DCTN1: variants seen among roughly 807,000 people sequenced by gnomAD.
DCTN1 encodes the protein 150 kDa dynein-associated polypeptide.
DCTN1 carries 61 observed loss-of-function variants against 161.2 expected under a neutral mutation model. The ratio of observed to expected loss-of-function variants is 0.38; its 90% CI spans 0.31 to 0.47. The LOEUF is 0.47. Among genes scored for constraint, DCTN1 ranks in the 20% least tolerant of loss-of-function variants. DCTN1 has a pLI of 0.99. For synonymous variants in DCTN1, 653 were observed against 632.4 expected (o/e 1.03, Z -0.49); for missense variants, 1,404 against 1,623.7 (o/e 0.86, Z 2.33).
intron 30 of DCTN1, 48 bp downstream of exon 30, chr2:74,362,602 C>T (rs762720966): frequency 1.3e-6 from 2 of 1,591,438 alleles, no homozygotes; most frequent in East Asian, 2.3e-5. Context: ...TGCCTGGCTC[C>T]ACCAGTTTAT....
Position 74,370,795 on chromosome 2 carries a change from G to A in DCTN1, c.874C>T (p.Arg292Cys), listed in dbSNP as rs1200414397. 20 of 1,614,202 alleles carry A rather than the reference G, an allele frequency of 1.2e-5. No individual in the cohort carries two copies. Among genetic ancestry groups the A allele is most frequent in the Admixed American group, 1.7e-5 (1 of 60,018 alleles). ...EAKEALEAKERYMEEMADTAD... is the reference protein window; with the variant it reads ...EAKEALEAKECYMEEMADTAD... ...GTATCAGCCATCTCCTCCATATAGC[G>A]TTCCTTTGCCTCCAGCGCCTCCTTG... Residue 292 changes from arginine to cysteine, a missense_variant, in exon 10 of 32, where the codon CGC (arginine) becomes TGC (cysteine). By Grantham distance (180) the Arg-to-Cys change is radical (BLOSUM62 -3). Transcript: ENST00000628224. The surrounding 1 kb of genome is among the most constrained non-coding windows in gnomAD (Gnocchi z 4.4).
At chr2:74,364,633 T>C (rs3755444) in intron 26 of DCTN1, 21,166 of 282,518 alleles carry the variant, frequency 0.075, 1,993 homozygotes, top group East Asian at 0.36. Context: ...TATGACCACA[T>C]CATAAAATGA....
chr2:74,380,027 C>T lies in DCTN1; in HGVS notation c.11G>A (p.Ser4Asn), dbSNP rs768396031. 1.9e-6 allele frequency: 3 copies of T among 1,614,194 alleles called. No individual in the cohort carries two copies. Among genetic ancestry groups the T allele is most frequent in the Non-Finnish European group, 8.5e-7 (1 of 1,180,026 alleles). The change falls in exon 1 of 32, where the codon AGC becomes AAC. Residue 4 changes from serine (S) to asparagine (N), a missense_variant. By Grantham distance (46) the Ser-to-Asn change is conservative. Around this residue, in one of 9 missense-constraint regions of DCTN1, gnomAD observed 53 missense variants for 54.4 expected, o/e 0.97. Transcript: ENST00000628224. ...TACCCGGCTGTACACGTGCCTCTTGCTCTGTGCCATGTTGCTCACCCGGCC... is the reference window on the plus strand; with the variant it reads ...TACCCGGCTGTACACGTGCCTCTTGTTCTGTGCCATGTTGCTCACCCGGCC... MAQ[S>N]KRHVYSRTPS...
intron 16 of DCTN1, 180 bp downstream of exon 16, chr2:74,368,548 A>C (rs1004380826): frequency 1.9e-5 from 16 of 826,666 alleles, no homozygotes; most frequent in South Asian, 4.9e-5. Context: ...CACAGAACCT[A>C]TCTCTCCTTG....
intron 1 of DCTN1, chr2:74,385,480 A>G (rs764222006): frequency 3.9e-5 from 6 of 152,284 alleles, no homozygotes; most frequent in Non-Finnish European, 7.3e-5. Flanking sequence ...CTGCGCTCTA[A>G]AGAGAGAGAT....
upstream of DCTN1, among the ~76,000 whole-genome samples, chr2:74,383,163 T>C (rs959923676): frequency 1.7e-4 from 26 of 152,212 alleles, no homozygotes; most frequent in Admixed American, 9.8e-4. Context: ...GTGAACACAG[T>C]ATGAACAGAG....
At chr2:74,372,439 G>C (rs1383655794) in intron 7 of DCTN1, among the ~76,000 whole-genome samples, 2 of 152,234 alleles carry the variant, frequency 1.3e-5, no homozygotes, top group Non-Finnish European at 2.9e-5. Context: ...CTGACCTGAA[G>C]TTCAAGCCCT....
rs762146412 is a variant in DCTN1 at position 74,368,130 on chromosome 2, G to A, written c.1856C>T (p.Ala619Val). 7 of 1,582,396 alleles carry A rather than the reference G, an allele frequency of 4.4e-6. No homozygotes were observed. The highest frequency in any genetic ancestry group is 6.0e-6 in the Non-Finnish European group (7 of 1,163,452). The change falls in exon 17 of 32, where the codon GCA (alanine) becomes GTA (valine). Residue 619 changes from alanine to valine, a missense_variant and splice_region_variant. Around this residue, in one of 9 missense-constraint regions of DCTN1, gnomAD observed 475 missense variants for 489.8 expected, o/e 0.97. Transcript: ENST00000628224. ...CTGGGCCTGCTTCCGGATCAGCTCT[G>A]CCTGTGGGAAAAAGCACCAGGAACC... ...LLLMPRLICK[A>V]ELIRKQAQEK...
rs555881477 is a variant in DCTN1, at chr2:74,367,502, T to A, written c.2185-82A>T. ...TCCCAAACTGTAGTTTGAGCCCTGG[T>A]CATCATGGGTCTCTGGAGGTACAAG... On this transcript the variant is annotated intron_variant, in intron 18 of 31. Coordinates refer to ENST00000628224, the MANE Select transcript of DCTN1 (RefSeq NM_004082.5). 21 of 1,533,072 alleles carry A rather than the reference T, an allele frequency of 1.4e-5. No individual in the cohort carries two copies. The African/African-American group carries it at 2.7e-4, about 20-fold the overall frequency. The allele number at this position is 1,533,072 out of a possible 1,614,324, so 95.0% of individuals were successfully genotyped here.
Position 74,380,057 on chromosome 2 carries a change from C to A in DCTN1, c.-20G>T, listed in dbSNP as rs1418599843. Reference sequence around the variant, plus strand: ...TGCCATGTTGCTCACCCGGCCTCTACCCCCTCCCCCAGCTGGCCAAAGACA... The same window carrying A: ...TGCCATGTTGCTCACCCGGCCTCTAACCCCTCCCCCAGCTGGCCAAAGACA... On this transcript the variant is annotated 5_prime_UTR_variant, in exon 1 of 32. Transcript: ENST00000628224. 1.2e-6 allele frequency: 2 copies of A among 1,613,882 alleles called. No homozygotes were observed. Among genetic ancestry groups the A allele is most frequent in the Admixed American group, 1.7e-5 (1 of 60,022 alleles).
At chr2:74,387,264 C>T (rs1194316676) in intron 1 of DCTN1, among the ~76,000 whole-genome samples, 1 of 152,196 alleles carries the variant, frequency 6.6e-6, no homozygotes, top group Non-Finnish European at 1.5e-5. Context: ...GGGCAACATT[C>T]TCTCCTACCC....
In DCTN1 at chr2:74,369,395, G is replaced by A. The variant is rs1327106238; in HGVS notation, c.1489C>T (p.Arg497Cys). ...EQLDMAGARV[R>C]EAQKRVEAAQ... ...GCCTCCACACGCTTCTGGGCCTCAC[G>A]AACCCGCGCGCCTGCCATGTCCAGC... Residue 497 changes from arginine to cysteine, a missense_variant, in exon 14 of 32, where the codon CGT (arginine) becomes TGT (cysteine). Transcript: ENST00000628224. This position sits in a 1 kb window ranked among gnomAD's most constrained non-coding sequence, Gnocchi z 4.9. 19 of 1,614,030 alleles carry A rather than the reference G, an allele frequency of 1.2e-5. No individual in the cohort carries two copies. Among genetic ancestry groups the A allele is most frequent in the Non-Finnish European group, 1.4e-5 (16 of 1,180,032 alleles).
upstream of DCTN1, among the ~76,000 whole-genome samples, chr2:74,380,875 G>A (rs368542573): frequency 2.6e-5 from 4 of 152,280 alleles, no homozygotes; most frequent in South Asian, 6.2e-4. Flanking sequence ...TTGTTATAAG[G>A]GGCCAGGTTG....
chr2:74,363,044 T>C lies in DCTN1; in HGVS notation c.3479A>G (p.Asn1160Ser), dbSNP rs778864459. Residue 1160 changes from asparagine (N) to serine (S), a missense_variant, in exon 29 of 32, where the codon AAT becomes AGT. This residue lies in a region of DCTN1 where 311 missense variants were observed against 298.9 expected (regional missense o/e 1.04). Coordinates refer to ENST00000628224, the MANE Select transcript of DCTN1 (RefSeq NM_004082.5). ...TACGTGCGTGTGTGTGCTCAATTGA[T>C]TCAATGTCTCCAGCAGCTGGCTGGT... The part of the protein sequence containing the change: ...RKTSQLLETL[N>S]QLSTHTHVVD... 2 of 1,613,852 alleles carry C rather than the reference T, an allele frequency of 1.2e-6. No homozygotes were observed. Among genetic ancestry groups the C allele is most frequent in the Non-Finnish European group, 1.7e-6 (2 of 1,179,896 alleles).
chr2:74,377,553 A>C, intron 3 of DCTN1, 87 bp from the exon 4 acceptor site: 1 of 1,529,552 alleles, frequency 6.5e-7, no homozygotes, highest in Admixed American at 1.7e-5. Flanking sequence ...TGACGGAAAA[A>C]AATCTTAGGA....
chr2:74,370,670 G>C lies in DCTN1; in HGVS notation c.999C>G (p.Asp333Glu), dbSNP rs200952455. 2.0e-4 allele frequency: 317 copies of C among 1,614,036 alleles called. 1 individual carries two copies. The highest frequency in any genetic ancestry group is 1.6e-4 in the Middle Eastern group (1 of 6,084). ...QEVEALKERVDELTTDLEILK... is the reference protein window; with the variant it reads ...QEVEALKERVEELTTDLEILK... ...GGATCTCTAAGTCAGTAGTGAGCTC[G>C]TCCACCCGCTCCTTCAGTGCCTCCA... Residue 333 changes from aspartate (D) to glutamate (E), a missense_variant, in exon 10 of 32, where the codon GAC becomes GAG. Transcript: ENST00000628224. The surrounding 1 kb of genome is among the most constrained non-coding windows in gnomAD (Gnocchi z 4.4).
At chr2:74,389,865 T>C (rs902030218) in intron 1 of DCTN1, among the ~76,000 whole-genome samples, 1 of 152,230 alleles carries the variant, frequency 6.6e-6, no homozygotes, top group African/African-American at 2.4e-5. Flanking sequence ...AATTGTCTAA[T>C]ATTGCTATGT....
At chr2:74,377,207 T>C (rs1022849241) in intron 4 of DCTN1, among the ~76,000 whole-genome samples, 5 of 152,192 alleles carry the variant, frequency 3.3e-5, no homozygotes, top group African/African-American at 1.2e-4. Context: ...TCAATCTCAT[T>C]TGACCCTGAA....
intron 16 of DCTN1, chr2:74,368,404 A>G (rs1255770657): frequency 2.2e-5 from 13 of 603,952 alleles, no homozygotes; most frequent in East Asian, 2.9e-5. Flanking sequence ...CACTCCTGCT[A>G]TCTCTCCACC....
Sources: gnomAD v4.1 joint callset for allele counts (sites outside exome capture counted in the v4.1 genomes callset) on GRCh38, gnomAD v4.1.1 for gene constraint, gnomAD v4.1.1 regional missense constraint, Gnocchi (gnomAD v3.1) non-coding constraint, MANE v1.5 for transcripts, NCBI Gene and HGNC (gene_info 2026-07-23, HGNC 2026-07-21) for gene names.